HDLBP: variants seen among roughly 807,000 people sequenced by gnomAD.
The protein encoded by HDLBP is vigilin.
A neutral mutation model predicts 137.3 loss-of-function variants in HDLBP; 30 were observed. The observed-to-expected ratio is 0.22, with a 90% CI of 0.16 to 0.30. The LOEUF is 0.30. HDLBP is among the 10% of genes least tolerant of loss of function. The pLI, the probability that HDLBP is intolerant of heterozygous loss-of-function variation, is 1.00. For synonymous variants in HDLBP, 606 were observed against 596.0 expected (o/e 1.02, Z -0.24); for missense variants, 1,119 against 1,667.3 (o/e 0.67, Z 5.73).
chr2:241,235,729 A>C, intron 21 of HDLBP, 135 bp from the exon 22 acceptor site: 1 of 624,780 alleles, frequency 1.6e-6, no homozygotes, highest in East Asian at 2.7e-5. Context: ...CGACAATGCC[A>C]CCAGGACCTT....
At position 241,266,687 on chromosome 2, in the gene HDLBP, C is replaced by A. The variant is rs187322500; in HGVS notation, c.76+107G>T. On this transcript the variant is annotated intron_variant, in intron 3 of 27. Coordinates refer to ENST00000310931, the MANE Select transcript of HDLBP (RefSeq NM_005336.6). Reference sequence around the variant, plus strand: ...ATGTTGGACCCTCCCTGCCCCACAACCACAGGGCCAAAAGGTACTTCTAGA... The same window carrying A: ...ATGTTGGACCCTCCCTGCCCCACAAACACAGGGCCAAAAGGTACTTCTAGA... 2.7e-4 allele frequency: 217 copies of A among 798,654 alleles called. 2 individuals carry two copies. In the East Asian group the frequency reaches 4.3e-3, roughly 16 times the overall value. 49.5% of individuals were successfully genotyped at this position (798,654 alleles called of 1,614,324 possible).
chr2:241,273,139 A>T (rs1411903369), intron 1 of HDLBP: 1 of 985,426 alleles, frequency 1.0e-6, no homozygotes, highest in Non-Finnish European at 1.2e-6. Context: ...AGATGTCACC[A>T]GTACCGCCCA....
intron 14 of HDLBP, chr2:241,247,468 C>T (rs139661743): frequency 3.8e-5 from 13 of 345,488 alleles, no homozygotes; most frequent in East Asian, 1.9e-4. Context: ...TCTGCACTCA[C>T]GGCAGTGATG....
chr2:241,267,889 A>T, intron 2 of HDLBP: 1 of 985,456 alleles, frequency 1.0e-6, no homozygotes, highest in Non-Finnish European at 1.2e-6. Context: ...TAGCACAGCC[A>T]CAGTGCTCAG....
intron 20 of HDLBP, among the ~76,000 whole-genome samples, chr2:241,237,453 A>T (rs938226161): frequency 1.3e-5 from 2 of 152,224 alleles, no homozygotes; most frequent in African/African-American, 4.8e-5. Context: ...TCACTAAGAC[A>T]GAACCCAGGA....
At chr2:241,294,752 G>C (rs1257625204) in intron 1 of HDLBP, among the ~76,000 whole-genome samples, 1 of 152,068 alleles carries the variant, frequency 6.6e-6, no homozygotes, top group Non-Finnish European at 1.5e-5. Flanking sequence ...GACTAAGAAT[G>C]GTCTGTTCTA....
At chr2:241,300,596 C>A (rs901477137) in intron 1 of HDLBP, among the ~76,000 whole-genome samples, 1 of 152,130 alleles carries the variant, frequency 6.6e-6, no homozygotes, top group Admixed American at 6.5e-5. Context: ...TATGCTAAAC[C>A]AGCCTTCAAT....
chr2:241,247,260 CT>C (rs2149440649), intron 14 of HDLBP, 118 bp from the exon 15 acceptor site: 1 of 690,510 alleles, frequency 1.4e-6, no homozygotes, highest in Non-Finnish European at 2.6e-6. Context: ...GCAAACAAAC[CT>C]TCAGAGGTTT....
In HDLBP at chr2:241,240,126, C is replaced by T; in HGVS notation, c.2170-4G>A. ...CAACAGTGAAACTCTTGGTTTGCTG[C>T]AGAAACCAATCCCACTGTGTTAGCC... On this transcript the variant is annotated splice_polypyrimidine_tract_variant and splice_region_variant and intron_variant, in intron 17 of 27. Coordinates refer to ENST00000310931, the MANE Select transcript of HDLBP (RefSeq NM_005336.6). The surrounding 1 kb of genome is among the most constrained non-coding windows in gnomAD (Gnocchi z 5.5). The T allele has an allele frequency of 6.2e-7, 1 of 1,613,886 alleles. No homozygotes were observed. Among genetic ancestry groups the T allele is most frequent in the African/African-American group, 1.3e-5 (1 of 75,030 alleles).
In HDLBP at chr2:241,272,665, C is replaced by T; in HGVS notation, c.-102-4124G>A. On this transcript the variant is annotated intron_variant, in intron 1 of 27. Coordinates refer to ENST00000310931, the MANE Select transcript of HDLBP (RefSeq NM_005336.6). This position sits in a 1 kb window ranked among gnomAD's most constrained non-coding sequence, Gnocchi z 5.6. ...CCGGGCCCCTCCCCCTCCGCGGCCT[C>T]CACGTCAGCAGCCACCCCCCACCCC... The T allele has an allele frequency of 1.1e-6, 1 of 900,064 alleles. No homozygotes were observed. The highest frequency in any genetic ancestry group is 5.1e-5 in the South Asian group (1 of 19,504). The allele number at this position is 900,064 out of a possible 1,614,324, so 55.8% of individuals were successfully genotyped here.
In HDLBP at chr2:241,227,395, C is replaced by A. The variant is rs2069232192; in HGVS notation, c.*2206G>T. On this transcript the variant is annotated 3_prime_UTR_variant, in exon 28 of 28. Coordinates refer to ENST00000310931, the MANE Select transcript of HDLBP (RefSeq NM_005336.6). ...TAATCTCCAAATTCCAAAGTTAAGG[C>A]CAAGGGATGGATTGTAGCTATGGAA... 6.6e-6 allele frequency: 1 copy of A among 152,496 alleles called. No individual in the cohort carries two copies. The highest frequency in any genetic ancestry group is 2.4e-5 in the African/African-American group (1 of 41,406). 9.4% of individuals were successfully genotyped at this position (152,496 alleles called of 1,614,324 possible). A position where few individuals can be genotyped will look rare whatever the true frequency, so the allele number is the denominator to read the frequency against.
chr2:241,238,406 TGGG>T lies in HDLBP; in HGVS notation c.2749+240_2749+242del, dbSNP rs2070812776. On this transcript the variant is annotated intron_variant, in intron 20 of 27. Transcript: ENST00000310931. This position sits in a 1 kb window ranked among gnomAD's most constrained non-coding sequence, Gnocchi z 4.9. ...TGAGGCTGCACGCTCCTCATCGCCTTGGGACTGGCTACCTTGTGTGTCTCTAGG... is the reference window on the plus strand; with the variant it reads ...TGAGGCTGCACGCTCCTCATCGCCTTACTGGCTACCTTGTGTGTCTCTAGG... 1 of 347,082 alleles carries T rather than the reference TGGG, an allele frequency of 2.9e-6. No individual in the cohort carries two copies. The highest frequency in any genetic ancestry group is 4.7e-5 in the Admixed American group (1 of 21,176). 21.5% of individuals were successfully genotyped at this position (347,082 alleles called of 1,614,324 possible).
At chr2:241,287,700 G>A (rs1347286197) in intron 1 of HDLBP, among the ~76,000 whole-genome samples, 1 of 152,220 alleles carries the variant, frequency 6.6e-6, no homozygotes, top group Admixed American at 6.5e-5. Flanking sequence ...GGGATTACAG[G>A]TGTGAGCCAC....
chr2:241,311,764 G>C (rs1559562785), intron 1 of HDLBP, among the ~76,000 whole-genome samples: 1 of 152,136 alleles, frequency 6.6e-6, no homozygotes, highest in South Asian at 2.1e-4. Flanking sequence ...ATACCACTTC[G>C]TCCAGCTGTA....
At chr2:241,289,455 A>G (rs931134353) in intron 1 of HDLBP, among the ~76,000 whole-genome samples, 2 of 152,214 alleles carry the variant, frequency 1.3e-5, no homozygotes, top group Non-Finnish European at 2.9e-5. Flanking sequence ...TACAAGCACA[A>G]CGTCCCCACC....
In HDLBP at chr2:241,229,700, A is replaced by G. The variant is rs1487317838; in HGVS notation, c.3721-13T>C. The stretch of plus-strand genomic sequence containing the variant: ...TCATGTCAGGAGCCTGTGCAGAGAG[A>G]GGACACGGCTTCAGGAGGGGATGCT... On this transcript the variant is annotated splice_polypyrimidine_tract_variant and intron_variant, in intron 27 of 27. Coordinates refer to ENST00000310931, the MANE Select transcript of HDLBP (RefSeq NM_005336.6). 1 of 1,613,798 alleles carries G rather than the reference A, an allele frequency of 6.2e-7. No individual in the cohort carries two copies. Among genetic ancestry groups the G allele is most frequent in the Non-Finnish European group, 8.5e-7 (1 of 1,179,728 alleles).
intron 1 of HDLBP, chr2:241,273,444 G>C (rs1034078081): frequency 2.4e-6 from 1 of 425,050 alleles, no homozygotes; most frequent in Non-Finnish European, 3.1e-6. Flanking sequence ...GAACCGGTGT[G>C]TGGCCTCTGA....
chr2:241,307,545 CTTTAAAAATATTCTAAA>C (rs1440528435), intron 1 of HDLBP, among the ~76,000 whole-genome samples: 2 of 152,148 alleles, frequency 1.3e-5, no homozygotes, highest in Non-Finnish European at 2.9e-5. Context: ...GATTTTTTAG[CTTTAAAAATATTCTAAA>C]AGATAACTCA....
intron 1 of HDLBP, among the ~76,000 whole-genome samples, chr2:241,282,780 T>G (rs559298836): frequency 1.5e-4 from 23 of 152,348 alleles, no homozygotes; most frequent in African/African-American, 5.5e-4. Context: ...GTGTGTGTTC[T>G]GACTGCTCCA....
Sources: gnomAD v4.1 joint callset for allele counts (sites outside exome capture counted in the v4.1 genomes callset) on GRCh38, gnomAD v4.1.1 for gene constraint, Gnocchi (gnomAD v3.1) non-coding constraint, MANE v1.5 for transcripts, NCBI Gene and HGNC (gene_info 2026-07-23, HGNC 2026-07-21) for gene names.